IGSF10: variants seen among roughly 807,000 people sequenced by gnomAD.
The protein encoded by IGSF10 is immunoglobulin superfamily member 10.
In IGSF10, 126 loss-of-function variants were observed where a neutral mutation model predicts 128.2. The ratio of observed to expected loss-of-function variants is 0.98; its 90% CI spans 0.85 to 1.14. IGSF10 has a LOEUF of 1.14. Ranked by LOEUF, IGSF10 falls within the 50% of genes most tolerant of loss-of-function variation. IGSF10 has a pLI of 0.00. For missense variants in IGSF10, 3,295 were observed against 3,149.8 expected, an observed-to-expected ratio of 1.05 and a Z score of -1.10; for synonymous variants, 1,185 against 1,146.2, an observed-to-expected ratio of 1.03 and a Z score of -0.68.
the IGSF10 span, among the ~76,000 whole-genome samples, chr3:151,599,284 G>A: frequency 1.3e-5 from 2 of 152,158 alleles, no homozygotes; most frequent in Admixed American, 6.5e-5. Flanking sequence ...GGTTGGAGAG[G>A]AGGGAAAGGA....
the IGSF10 span, among the ~76,000 whole-genome samples, chr3:151,579,481 G>A: frequency 2.0e-5 from 3 of 152,052 alleles, no homozygotes; most frequent in South Asian, 6.2e-4. Context: ...GAAAATATAG[G>A]GATTTTTGTC....
Position 151,448,806 on chromosome 3 carries a change from T to TG in IGSF10, c.1174dup (p.His392ProfsTer4), listed in dbSNP as rs1314699638. The TG allele has an allele frequency of 3.7e-6, 6 of 1,613,478 alleles. No individual in the cohort carries two copies. Among genetic ancestry groups the TG allele is most frequent in the African/African-American group, 1.3e-5 (1 of 75,042 alleles). ...GAGCTGCGGTGTTTCACTAAGCAAG[T>TG]GGCTCCTTTCTAGTATCAGAGGAGA... On this transcript the variant is annotated frameshift_variant, in exon 6 of 8. Coordinates refer to ENST00000282466, the MANE Select transcript of IGSF10 (RefSeq NM_178822.5). LOFTEE classifies it high-confidence loss of function.
the IGSF10 span, among the ~76,000 whole-genome samples, chr3:151,489,518 C>T: frequency 9.9e-5 from 15 of 151,968 alleles, no homozygotes; most frequent in African/African-American, 3.4e-4. Context: ...AAGACACATA[C>T]ACACATATGT....
At chr3:151,493,548 C>T in the IGSF10 span, among the ~76,000 whole-genome samples, 1 of 152,100 alleles carries the variant, frequency 6.6e-6, no homozygotes, top group African/African-American at 2.4e-5. Flanking sequence ...CAGTTGCCTG[C>T]AGTATTCAGT....
rs16863390 is a variant in IGSF10, at chr3:151,437,460, A to C, written c.7101T>G (p.Pro2367=). ...CATTTGGTAAAATCCAGATTATTTCAGGTGGTGGGTTACCATCAACAGAGC... is the reference window on the plus strand; with the variant it reads ...CATTTGGTAAAATCCAGATTATTTCCGGTGGTGGGTTACCATCAACAGAGC... The part of the protein sequence containing the change: ...LNCSVDGNPP[P]EIIWILPNGT... Residue 2367 remains proline, a synonymous_variant, in exon 8 of 8, where the codon CCT becomes CCG. Transcript: ENST00000282466. 0.027 allele frequency: 43,014 copies of C among 1,614,160 alleles called. 911 individuals are homozygous for C. Among genetic ancestry groups the C allele is most frequent in the East Asian group, 0.099 (4,458 of 44,882 alleles).
the IGSF10 span, among the ~76,000 whole-genome samples, chr3:151,497,348 T>A: frequency 6.6e-6 from 1 of 152,226 alleles, no homozygotes; most frequent in Non-Finnish European, 1.5e-5. Context: ...GAATTAATTT[T>A]AGTATAAGGT....
chr3:151,467,717 T>C, the IGSF10 span, among the ~76,000 whole-genome samples: 9 of 151,728 alleles, frequency 5.9e-5, no homozygotes, highest in Admixed American at 2.0e-4. Context: ...ACCCCGTCTC[T>C]ACTAAAAATA....
At chr3:151,494,671 T>C in the IGSF10 span, among the ~76,000 whole-genome samples, 4 of 152,160 alleles carry the variant, frequency 2.6e-5, no homozygotes, top group East Asian at 5.8e-4. Context: ...TCACTTCATA[T>C]TGAAAATACT....
the IGSF10 span, among the ~76,000 whole-genome samples, chr3:151,534,101 A>T: frequency 6.6e-6 from 1 of 152,090 alleles, no homozygotes; most frequent in Admixed American, 6.6e-5. Context: ...TCAAAACCAC[A>T]ATGAGATAAC....
the IGSF10 span, among the ~76,000 whole-genome samples, chr3:151,509,584 C>A: frequency 2.0e-5 from 3 of 152,254 alleles, no homozygotes; most frequent in African/African-American, 4.8e-5. Flanking sequence ...GCATTTCCAA[C>A]TGAGGTACCG....
the IGSF10 span, among the ~76,000 whole-genome samples, chr3:151,553,632 T>A: frequency 0.026 from 3,481 of 134,840 alleles, 126 homozygotes; most frequent in African/African-American, 0.087. Flanking sequence ...CTCTCTCTCT[T>A]TCTATATATA....
chr3:151,436,602 T>TTCATTTACATGC lies in IGSF10; in HGVS notation c.*75_*86dup. 1.1e-6 allele frequency: 1 copy of TTCATTTACATGC among 897,072 alleles called. No homozygotes were observed. The highest frequency in any genetic ancestry group is 2.4e-5 in the East Asian group (1 of 41,198). The allele number at this position is 897,072 out of a possible 1,614,324, so 55.6% of individuals were successfully genotyped here. A position where few individuals can be genotyped will look rare whatever the true frequency, so the allele number is the denominator to read the frequency against. On this transcript the variant is annotated 3_prime_UTR_variant, in exon 8 of 8. Transcript: ENST00000282466. The stretch of plus-strand genomic sequence containing the variant: ...ATTTAATACTGTAAATGTATTCAAA[T>TTCATTTACATGC]TCATTTACATGCCTATGGCTGCCTT...
chr3:151,494,209 A>G, the IGSF10 span, among the ~76,000 whole-genome samples: 1 of 152,068 alleles, frequency 6.6e-6, no homozygotes, highest in African/African-American at 2.4e-5. Context: ...GAAGTATTCT[A>G]TTGATTAACA....
intron 1 of IGSF10, 73 bp downstream of exon 1, chr3:151,460,873 C>T (rs979674142): frequency 1.0e-6 from 1 of 960,730 alleles, no homozygotes; most frequent in African/African-American, 1.8e-5. Flanking sequence ...GGTACTCGCT[C>T]CATTCCCACG....
chr3:151,611,145 G>C, the IGSF10 span, among the ~76,000 whole-genome samples: 1 of 152,160 alleles, frequency 6.6e-6, no homozygotes, highest in African/African-American at 2.4e-5. Context: ...AGAAACAACT[G>C]AGAATACACA....
At chr3:151,521,885 C>T in the IGSF10 span, among the ~76,000 whole-genome samples, 1 of 151,568 alleles carries the variant, frequency 6.6e-6, no homozygotes, top group Non-Finnish European at 1.5e-5. Flanking sequence ...AACTGAGATA[C>T]AAAAAACCAT....
the IGSF10 span, among the ~76,000 whole-genome samples, chr3:151,611,021 C>A: frequency 1.3e-5 from 2 of 152,142 alleles, no homozygotes; most frequent in African/African-American, 2.4e-5. Flanking sequence ...GTTTGACAGG[C>A]CTTAGGCTGT....
At position 151,436,983 on chromosome 3, in the gene IGSF10, G is replaced by T. The variant is rs1282512374; in HGVS notation, c.7578C>A (p.Tyr2526Ter). The T allele has an allele frequency of 6.2e-7, 1 of 1,614,184 alleles. No homozygotes were observed. Among genetic ancestry groups the T allele is most frequent in the Non-Finnish European group, 8.5e-7 (1 of 1,180,028 alleles). Reference sequence around the variant, plus strand: ...GTGGACGATTTGTAATTCGGGGAGGGTAGGCTACAATCATTACTGGAACAG... The same window carrying T: ...GTGGACGATTTGTAATTCGGGGAGGTTAGGCTACAATCATTACTGGAACAG... Reference protein sequence around the residue: ...LITVPVMIVAYPPRITNRPPR... With the variant: ...LITVPVMIVA The change falls in exon 8 of 8, where the codon TAC becomes TAA. Residue 2526 changes from tyrosine to a stop codon, truncating the protein, a stop_gained. Transcript: ENST00000282466. LOFTEE classifies it low-confidence loss of function (END_TRUNC).
the IGSF10 span, among the ~76,000 whole-genome samples, chr3:151,526,327 G>GT: frequency 0.017 from 2,512 of 143,994 alleles, 29 homozygotes; most frequent in Middle Eastern, 0.026. Context: ...TTTCTTGATT[G>GT]TTTTTTTTTT....
Sources: gnomAD v4.1 joint callset for allele counts (sites outside exome capture counted in the v4.1 genomes callset) on GRCh38, gnomAD v4.1.1 for gene constraint, MANE v1.5 for transcripts, NCBI Gene and HGNC (gene_info 2026-07-23, HGNC 2026-07-21) for gene names.